Variants in KAZN observed in about 807,000 individuals in gnomAD.
KAZN encodes kazrin.
Under a neutral mutation model 87.4 loss-of-function variants are expected in KAZN, and 40 were observed. That is an observed-to-expected ratio of 0.46 (90% CI 0.36 to 0.60). KAZN has a LOEUF of 0.60. Ranked by LOEUF, KAZN falls within the 20% of genes least tolerant of loss-of-function variation. KAZN has a pLI of 0.00. For missense variants in KAZN, 898 were observed against 1,073.9 expected (o/e 0.84, Z 2.29); for synonymous variants, 466 against 458.3 (o/e 1.02, Z -0.22).
chr1:13,916,462 T>C, intron 1 of KAZN, among the ~76,000 whole-genome samples: 1 of 152,138 alleles, frequency 6.6e-6, no homozygotes, highest in East Asian at 1.9e-4. Flanking sequence ...TGGTAGGTGC[T>C]CAAAGACTGC....
chr1:14,573,605 C>A (rs1202474321), intron 2 of KAZN, among the ~76,000 whole-genome samples: 1 of 152,160 alleles, frequency 6.6e-6, no homozygotes, highest in Non-Finnish European at 1.5e-5. Context: ...TGAGATCATG[C>A]CACTGCACTC....
chr1:14,593,422 G>A (rs952887813), intron 2 of KAZN, among the ~76,000 whole-genome samples: 3 of 152,136 alleles, frequency 2.0e-5, no homozygotes, highest in African/African-American at 2.4e-5. Flanking sequence ...GGGTACATGC[G>A]GGGGAGGGAC....
chr1:15,008,227 C>G (rs964883952), intron 2 of KAZN, among the ~76,000 whole-genome samples: 1 of 152,174 alleles, frequency 6.6e-6, no homozygotes, highest in Non-Finnish European at 1.5e-5. Flanking sequence ...GAGTCCAGGC[C>G]TCGGCTGTAA....
intron 1 of KAZN, among the ~76,000 whole-genome samples, chr1:13,921,214 G>C (rs1225393789): frequency 6.6e-6 from 1 of 152,234 alleles, no homozygotes; most frequent in Middle Eastern, 3.4e-3. Context: ...AATGTAATTT[G>C]ATATTTTATT....
chr1:14,515,348 A>G (rs1671245706), intron 2 of KAZN, among the ~76,000 whole-genome samples: 1 of 152,220 alleles, frequency 6.6e-6, no homozygotes, highest in African/African-American at 2.4e-5. Context: ...CAATCGCTGT[A>G]GGAAACAATC....
At chr1:15,027,405 G>A (rs944765142) in intron 2 of KAZN, among the ~76,000 whole-genome samples, 8 of 152,166 alleles carry the variant, frequency 5.3e-5, no homozygotes, top group Non-Finnish European at 1.2e-4. Flanking sequence ...TAACTCAGCT[G>A]CCTTGGCCTA....
intron 2 of KAZN, among the ~76,000 whole-genome samples, chr1:14,376,341 G>A (rs1270463683): frequency 6.6e-6 from 1 of 152,128 alleles, no homozygotes; most frequent in Non-Finnish European, 1.5e-5. Flanking sequence ...CCATTAGGAG[G>A]TAACTAGGAG....
chr1:14,827,040 C>T (rs535687353), intron 1 of KAZN, among the ~76,000 whole-genome samples: 33 of 152,260 alleles, frequency 2.2e-4, no homozygotes, highest in African/African-American at 6.7e-4. Context: ...AGATGATGTG[C>T]GGGAGGCTGC....
chr1:14,408,331 G>T (rs1232913946), intron 2 of KAZN, among the ~76,000 whole-genome samples: 1 of 152,180 alleles, frequency 6.6e-6, no homozygotes, highest in African/African-American at 2.4e-5. Context: ...AGTCCTTTGA[G>T]CATCTGTAGC....
Position 13,981,095 on chromosome 1 carries a change from A to ATATATATATATATATATATAAAAG in KAZN, c.91+87354_91+87355insATATAAAAGTATATATATATATAT, listed in dbSNP as rs1196413078. 1.3e-4 allele frequency among the ~76,000 whole-genome samples: 14 copies of ATATATATATATATATATATAAAAG among 104,240 alleles called. 2 individuals carry two copies. The highest frequency in any genetic ancestry group is 2.0e-4 in the Non-Finnish European group (10 of 50,456). 68.4% of individuals were successfully genotyped at this position (104,240 alleles called of 152,430 possible). On this transcript the variant is annotated intron_variant, in intron 1 of 16. Transcript: ENST00000636203. ...AGGTATAAAAAATTACTCTTTATAT[A>ATATATATATATATATATATAAAAG]TATATATATATATATGTATATATAA...
chr1:14,068,822 G>T (rs112829360), intron 1 of KAZN, among the ~76,000 whole-genome samples: 1 of 148,200 alleles, frequency 6.7e-6, no homozygotes, highest in Non-Finnish European at 1.5e-5. Flanking sequence ...TTTTTGAGAC[G>T]GAGTCTTGTC....
rs939062318 is a variant in KAZN at position 15,094,770 on chromosome 1, C to G, written c.1429-45C>G. The G allele has an allele frequency of 7.0e-7, 1 of 1,434,176 alleles. No homozygotes were observed. Among genetic ancestry groups the G allele is most frequent in the Admixed American group, 2.0e-5 (1 of 49,796 alleles). The allele number at this position is 1,434,176 out of a possible 1,614,324, so 88.8% of individuals were successfully genotyped here. A position where few individuals can be genotyped will look rare whatever the true frequency, so the allele number is the denominator to read the frequency against. The stretch of plus-strand genomic sequence containing the variant: ...ACCCCCTCTAGGGCAGGAACCCCGC[C>G]GGCAGCTGTCCCAGCCCCCATATGA... On this transcript the variant is annotated intron_variant, in intron 9 of 14. Transcript: ENST00000376030. This position sits in a 1 kb window ranked among gnomAD's most constrained non-coding sequence, Gnocchi z 4.5.
At chr1:14,507,673 C>A (rs1336522894) in intron 2 of KAZN, among the ~76,000 whole-genome samples, 2 of 152,118 alleles carry the variant, frequency 1.3e-5, no homozygotes, top group Non-Finnish European at 2.9e-5. Context: ...AACCGTATTT[C>A]TTTTCTTAAT....
At chr1:14,047,919 A>AG in intron 1 of KAZN, among the ~76,000 whole-genome samples, 1 of 152,126 alleles carries the variant, frequency 6.6e-6, no homozygotes, top group Non-Finnish European at 1.5e-5. Context: ...GAAAGAAAGA[A>AG]CAAAGGAGTT....
In KAZN at chr1:14,154,953, T is replaced by TTCCTTCCTTCCTTCCTTC. The variant is rs1553136613; in HGVS notation, c.92-25482_92-25481insTCCTTCCTTCCTTCCTTC. Among the ~76,000 whole-genome samples the TTCCTTCCTTCCTTCCTTC allele has an allele frequency of 3.7e-5, 5 of 134,794 alleles. No homozygotes were observed. In the East Asian group the frequency reaches 9.1e-4, roughly 25 times the overall value. 88.4% of individuals were successfully genotyped at this position (134,794 alleles called of 152,430 possible). On this transcript the variant is annotated intron_variant, in intron 1 of 16. Coordinates refer to the KAZN transcript ENST00000636203. ...TCATCAGAGATTGGCTTGTAGTTTT[T>TTCCTTCCTTCCTTCCTTC]CTTCCTTCCTTCCTTCCTTCCTTCC...
At chr1:14,720,507 G>T (rs965425372) in intron 1 of KAZN, among the ~76,000 whole-genome samples, 8 of 152,278 alleles carry the variant, frequency 5.3e-5, no homozygotes, top group African/African-American at 1.7e-4. Flanking sequence ...GCATCTACCT[G>T]TGCAGTCAGT....
chr1:14,646,677 C>T (rs1680835280), intron 1 of KAZN, among the ~76,000 whole-genome samples: 1 of 152,126 alleles, frequency 6.6e-6, no homozygotes, highest in African/African-American at 2.4e-5. Context: ...CCCCAGCCTG[C>T]AGTTATGAGA....
At position 14,251,643 on chromosome 1, in the gene KAZN, C is replaced by CTTTTTTTTTTTTTTTTTTTTTT. The variant is rs549092023; in HGVS notation, c.249+71055_249+71076dup. Among the ~76,000 whole-genome samples the CTTTTTTTTTTTTTTTTTTTTTT allele has an allele frequency of 3.3e-5, 3 of 90,370 alleles. 1 individual carries two copies. The highest frequency in any genetic ancestry group is 1.3e-4 in the Admixed American group (1 of 7,790). The allele number at this position is 90,370 out of a possible 152,430, so 59.3% of individuals were successfully genotyped here. A position where few individuals can be genotyped will look rare whatever the true frequency, so the allele number is the denominator to read the frequency against. ...AGGCACAGTGAAAAGTTCTCCCGGA[C>CTTTTTTTTTTTTTTTTTTTTTT]TTTTTTTTTTTTTTTTTTTTTTTTT... On this transcript the variant is annotated intron_variant, in intron 2 of 16. Transcript: ENST00000636203.
At chr1:14,251,620 G>A (rs894663483) in intron 2 of KAZN, among the ~76,000 whole-genome samples, 1 of 146,482 alleles carries the variant, frequency 6.8e-6, no homozygotes, top group African/African-American at 2.6e-5. Flanking sequence ...AAAAATCCAG[G>A]CACAGTGAAA....
Sources: allele counts gnomAD v4.1 joint callset (sites outside exome capture counted in the v4.1 genomes callset), GRCh38; gene constraint gnomAD v4.1.1; non-coding constraint Gnocchi (gnomAD v3.1); transcripts MANE v1.5; gene names NCBI Gene and HGNC (gene_info 2026-07-23, HGNC 2026-07-21).